The following TLR2 variants were observed in gnomAD, a reference collection of about 807,000 sequenced individuals.
The protein encoded by TLR2 is toll-like receptor 2.
Under a neutral mutation model 9.1 loss-of-function variants are expected in TLR2, and 7 were observed. The observed-to-expected ratio is 0.77, with a 90% CI of 0.44 to 1.44. The LOEUF is 1.44. Ranked by LOEUF, TLR2 falls within the 40% of genes most tolerant of loss-of-function variation. The pLI, the probability that TLR2 is intolerant of heterozygous loss-of-function variation, is 0.01. For synonymous variants in TLR2, 317 were observed against 344.6 expected (o/e 0.92, Z 0.89); for missense variants, 812 against 904.6 (o/e 0.90, Z 1.31).
In TLR2 at chr4:153,704,195, G is replaced by C. The variant is rs1312737272; in HGVS notation, c.1288G>C (p.Glu430Gln). The change falls in exon 3 of 3, where the codon GAA (glutamate) becomes CAA (glutamine). Residue 430 changes from glutamate (E) to glutamine (Q), a missense_variant. Coordinates refer to ENST00000642700, the MANE Select transcript of TLR2 (RefSeq NM_001318789.2). ...TAAGAATAGTTTTCATTCTATGCCTGAAACTTGTCAGTGGCCAGAAAAGAT... is the reference window on the plus strand; with the variant it reads ...TAAGAATAGTTTTCATTCTATGCCTCAAACTTGTCAGTGGCCAGAAAAGAT... ...ISKNSFHSMP[E>Q]TCQWPEKMKY... The C allele has an allele frequency of 3.7e-6, 6 of 1,614,016 alleles. No homozygotes were observed. Among genetic ancestry groups the C allele is most frequent in the South Asian group, 1.1e-5 (1 of 91,074 alleles).
Position 153,703,869 on chromosome 4 carries a change from G to A in TLR2, c.962G>A (p.Arg321Lys), listed in dbSNP as rs766904606. ...ACAATCCGGAGGCTGCATATTCCAAGGTTTTACTTATTTTATGATCTGAGC... is the reference window on the plus strand; with the variant it reads ...ACAATCCGGAGGCTGCATATTCCAAAGTTTTACTTATTTTATGATCTGAGC... ...TLTIRRLHIPRFYLFYDLSTL... is the reference protein window; with the variant it reads ...TLTIRRLHIPKFYLFYDLSTL... Residue 321 changes from arginine (R) to lysine (K), a missense_variant, in exon 3 of 3, where the codon AGG (arginine) becomes AAG (lysine). By Grantham distance (26) the Arg-to-Lys change is conservative (BLOSUM62 2). Transcript: ENST00000642700. The A allele has an allele frequency of 1.2e-6, 2 of 1,614,030 alleles. No individual in the cohort carries two copies.
downstream of TLR2, chr4:153,710,594 T>C (rs1443437761): frequency 9.1e-7 from 1 of 1,101,544 alleles, no homozygotes; most frequent in Non-Finnish European, 1.3e-6. Context: ...GGGTATTTCC[T>C]TTCTTGTTAA....
At chr4:153,698,904 A>G (rs1161453307) in intron 2 of TLR2, among the ~76,000 whole-genome samples, 1 of 152,190 alleles carries the variant, frequency 6.6e-6, no homozygotes, top group Admixed American at 6.5e-5. Flanking sequence ...TGGTCTTTCT[A>G]TAGGGTTAGG....
chr4:153,698,970 A>G (rs1578991017), intron 2 of TLR2, among the ~76,000 whole-genome samples: 1 of 152,222 alleles, frequency 6.6e-6, no homozygotes, highest in East Asian at 1.9e-4. Flanking sequence ...GACAAAACAT[A>G]TAGGAGAGGC....
At chr4:153,697,546 A>T (rs997897617) in intron 2 of TLR2, among the ~76,000 whole-genome samples, 1 of 152,156 alleles carries the variant, frequency 6.6e-6, no homozygotes, top group Non-Finnish European at 1.5e-5. Flanking sequence ...GGGACCTGTG[A>T]TCCTATTTTA....
chr4:153,701,612 T>A (rs1305072638), intron 2 of TLR2: 1 of 152,098 alleles, frequency 6.6e-6, no homozygotes, highest in African/African-American at 2.4e-5. Context: ...ATTGCGGTGA[T>A]GATACCATGA....
rs150442440 is a variant in TLR2, at chr4:153,704,738, C to T, written c.1831C>T (p.Arg611Cys). 19 of 1,613,828 alleles carry T rather than the reference C, an allele frequency of 1.2e-5. No homozygotes were observed. The highest frequency in any genetic ancestry group is 8.0e-5 in the African/African-American group (6 of 74,830). ...LILLTGVLCH[R>C]FHGLWYMKMM... is the part of the protein sequence containing the mutation. ...CCTGCTCACGGGGGTCCTGTGCCACCGTTTCCATGGCCTGTGGTATATGAA... is the reference window on the plus strand; with the variant it reads ...CCTGCTCACGGGGGTCCTGTGCCACTGTTTCCATGGCCTGTGGTATATGAA... The change falls in exon 3 of 3, where the codon CGT (arginine) becomes TGT (cysteine). Residue 611 changes from arginine (R) to cysteine (C), a missense_variant. Coordinates refer to ENST00000642700, the MANE Select transcript of TLR2 (RefSeq NM_001318789.2).
intron 1 of TLR2, among the ~76,000 whole-genome samples, chr4:153,684,743 G>C (rs56000463): frequency 0.011 from 1,670 of 151,788 alleles, 30 homozygotes; most frequent in African/African-American, 0.037. Flanking sequence ...GCAGGCCCCG[G>C]GGGGGTTGCC....
chr4:153,694,890 T>C (rs866550772), intron 2 of TLR2, among the ~76,000 whole-genome samples: 1 of 152,336 alleles, frequency 6.6e-6, no homozygotes, highest in East Asian at 1.9e-4. Context: ...TTCAATTGTT[T>C]TAATTTGTAG....
At chr4:153,694,608 A>G (rs1736358710) in intron 2 of TLR2, among the ~76,000 whole-genome samples, 1 of 152,252 alleles carries the variant, frequency 6.6e-6, no homozygotes, top group African/African-American at 2.4e-5. Context: ...ATACAGGCAT[A>G]CAATGGATAA....
chr4:153,700,222 C>T (rs181737387), intron 2 of TLR2, among the ~76,000 whole-genome samples: 29 of 152,248 alleles, frequency 1.9e-4, no homozygotes, highest in African/African-American at 5.8e-4. Flanking sequence ...ATGACCCAAA[C>T]GCTTTCCACC....
intron 2 of TLR2, among the ~76,000 whole-genome samples, chr4:153,698,072 A>G (rs1439836116): frequency 6.6e-6 from 1 of 152,190 alleles, no homozygotes; most frequent in African/African-American, 2.4e-5. Flanking sequence ...AAGGGTGTGG[A>G]CCTATAAGAC....
At chr4:153,688,187 G>C (rs1045133283) in intron 2 of TLR2, 140 bp downstream of exon 2, 1 of 152,188 alleles carries the variant, frequency 6.6e-6, no homozygotes, top group African/African-American at 2.4e-5. Context: ...TGCTCTAGGA[G>C]GCCTCAAGTA....
chr4:153,684,880 C>T (rs1735584264), intron 1 of TLR2, among the ~76,000 whole-genome samples: 1 of 152,188 alleles, frequency 6.6e-6, no homozygotes, highest in South Asian at 2.1e-4. Flanking sequence ...TCCCTGATTC[C>T]CGGTAGGGTC....
chr4:153,698,795 T>G (rs576173511), intron 2 of TLR2, among the ~76,000 whole-genome samples: 1 of 152,310 alleles, frequency 6.6e-6, no homozygotes, highest in Non-Finnish European at 1.5e-5. Flanking sequence ...ATATGTCATG[T>G]TGAACCAAAT....
chr4:153,689,846 C>T (rs1735980593), intron 2 of TLR2, among the ~76,000 whole-genome samples: 1 of 152,164 alleles, frequency 6.6e-6, no homozygotes, highest in African/African-American at 2.4e-5. Flanking sequence ...TTTCTTCCAC[C>T]CTCTATGGCA....
intron 2 of TLR2, among the ~76,000 whole-genome samples, chr4:153,694,086 G>A (rs7675718): frequency 0.3 from 46,337 of 152,214 alleles, 7,845 homozygotes; most frequent in South Asian, 0.53. Flanking sequence ...CAGCAAGCCG[G>A]TGATAAGCAT....
In TLR2 at chr4:153,703,879, A is replaced by G. The variant is rs1240479978; in HGVS notation, c.972A>G (p.Leu324=). Residue 324 remains leucine (L), a synonymous_variant, in exon 3 of 3, where the codon TTA becomes TTG. Coordinates refer to ENST00000642700, the MANE Select transcript of TLR2 (RefSeq NM_001318789.2). ...IRRLHIPRFY[L]FYDLSTLYSL... ...GGCTGCATATTCCAAGGTTTTACTT[A>G]TTTTATGATCTGAGCACTTTATATT... is the stretch of plus-strand genomic sequence containing the variant. 3.1e-6 allele frequency: 5 copies of G among 1,613,970 alleles called. No individual in the cohort carries two copies. Among genetic ancestry groups the G allele is most frequent in the Non-Finnish European group, 4.2e-6 (5 of 1,180,004 alleles).
Position 153,705,093 on chromosome 4 carries a change from A to G in TLR2, c.2186A>G (p.Asn729Ser), listed in dbSNP as rs61735278. The G allele has an allele frequency of 4.9e-4, 796 of 1,614,120 alleles. 6 individuals carry two copies. The highest frequency in any genetic ancestry group is 1.3e-3 in the Middle Eastern group (8 of 6,062). ...FSHFRLFDEN[N>S]DAAILILLEP... is the part of the protein sequence containing the mutation. Reference sequence around the variant, plus strand: ...CATTTCCGTCTTTTTGATGAGAACAATGATGCTGCCATTCTCATTCTTCTG... The same window carrying G: ...CATTTCCGTCTTTTTGATGAGAACAGTGATGCTGCCATTCTCATTCTTCTG... The change falls in exon 3 of 3, where the codon AAT becomes AGT. Residue 729 changes from asparagine (N) to serine (S), a missense_variant. By Grantham distance (46) the Asn-to-Ser change is conservative. Coordinates refer to ENST00000642700, the MANE Select transcript of TLR2 (RefSeq NM_001318789.2).
Sources: gnomAD v4.1 joint callset for allele counts (sites outside exome capture counted in the v4.1 genomes callset) on GRCh38, gnomAD v4.1.1 for gene constraint, MANE v1.5 for transcripts, NCBI Gene and HGNC (gene_info 2026-07-23, HGNC 2026-07-21) for gene names.